Variants in SEMA3E observed in about 807,000 individuals in gnomAD.
SEMA3E encodes semaphorin-3E.
Under a neutral mutation model 93.6 loss-of-function variants are expected in SEMA3E, and 49 were observed. That is an observed-to-expected ratio of 0.52 (90% confidence interval 0.42 to 0.66). SEMA3E has a LOEUF of 0.66. Ranked by LOEUF, SEMA3E falls within the 30% of genes least tolerant of loss-of-function variation. The probability of loss-of-function intolerance (pLI) is 0.00; values close to 1 mark genes in which losing one functional copy is unlikely to be tolerated. For synonymous variants in SEMA3E, 363 were observed against 330.7 expected, an observed-to-expected ratio of 1.10 and a Z score of -1.06; for missense variants, 906 against 964.8, an observed-to-expected ratio of 0.94 and a Z score of 0.81.
intron 2 of SEMA3E, among the ~76,000 whole-genome samples, chr7:83,475,700 T>G (rs1044624187): frequency 6.6e-6 from 1 of 152,186 alleles, no homozygotes; most frequent in African/African-American, 2.4e-5. Context: ...GTCTAATGTT[T>G]TCTGACAGCA....
intron 1 of SEMA3E, among the ~76,000 whole-genome samples, chr7:83,536,453 A>G (rs59653238): frequency 0.19 from 28,501 of 152,018 alleles, 2,937 homozygotes; most frequent in Middle Eastern, 0.37. Context: ...TTAGGTTAAT[A>G]TTTCTCCTAA....
At chr7:83,381,472 C>T (rs1178295375) in intron 16 of SEMA3E, among the ~76,000 whole-genome samples, 1 of 151,830 alleles carries the variant, frequency 6.6e-6, no homozygotes, top group African/African-American at 2.4e-5. Context: ...TTATGGTGAC[C>T]TTCTTAGTGA....
chr7:83,429,348 C>T (rs759672622), intron 4 of SEMA3E, among the ~76,000 whole-genome samples: 4 of 152,234 alleles, frequency 2.6e-5, no homozygotes, highest in Admixed American at 6.5e-5. Flanking sequence ...GGATTCCATT[C>T]TCTTCCTCAC....
chr7:83,529,676 T>C (rs1042182104), intron 1 of SEMA3E, among the ~76,000 whole-genome samples: 1 of 152,170 alleles, frequency 6.6e-6, no homozygotes, highest in Non-Finnish European at 1.5e-5. Context: ...AGCAGAGTGA[T>C]AGAGACCCTA....
chr7:83,478,517 T>C (rs1340052357), intron 2 of SEMA3E, among the ~76,000 whole-genome samples: 2 of 152,234 alleles, frequency 1.3e-5, no homozygotes, highest in Non-Finnish European at 2.9e-5. Flanking sequence ...TGTGTACAGA[T>C]TGCAAGGGGC....
At chr7:83,564,308 AC>A (rs906091934) in intron 1 of SEMA3E, among the ~76,000 whole-genome samples, 1 of 152,120 alleles carries the variant, frequency 6.6e-6, no homozygotes, top group African/African-American at 2.4e-5. Context: ...TAGCCCAGCT[AC>A]TCAGGAGGCT....
intron 2 of SEMA3E, among the ~76,000 whole-genome samples, chr7:83,475,153 C>T (rs1395761576): frequency 6.6e-6 from 1 of 151,940 alleles, no homozygotes; most frequent in African/African-American, 2.4e-5. Context: ...GAGATATAGG[C>T]TGGGCTTCTT....
chr7:83,645,393 C>G (rs756367037), intron 1 of SEMA3E, among the ~76,000 whole-genome samples: 8 of 152,044 alleles, frequency 5.3e-5, no homozygotes, highest in Non-Finnish European at 1.0e-4. Context: ...CAGCCAAACT[C>G]AACTCAAATC....
rs888994383 is a variant in SEMA3E at position 83,377,317 on chromosome 7, T to C, written c.1875+7977A>G. ...CACAATAATATTCATTTTATAGGGC[T>C]TTACTTGTGTATGCATTTTCATTTC... is the stretch of plus-strand genomic sequence containing the variant. On this transcript the variant is annotated intron_variant, in intron 16 of 16. Transcript: ENST00000643230. 3.9e-5 allele frequency among the ~76,000 whole-genome samples: 6 copies of C among 152,168 alleles called. No homozygotes were observed. In the East Asian group the frequency reaches 1.2e-3, roughly 29 times the overall value.
intron 4 of SEMA3E, among the ~76,000 whole-genome samples, chr7:83,459,721 A>T (rs1010420677): frequency 4.9e-4 from 74 of 152,244 alleles, no homozygotes; most frequent in African/African-American, 1.7e-3. Flanking sequence ...ACTTGCACGT[A>T]TTCGCCCAGA....
intron 2 of SEMA3E, among the ~76,000 whole-genome samples, chr7:83,483,281 T>A (rs1183787763): frequency 6.6e-6 from 1 of 152,208 alleles, no homozygotes; most frequent in African/African-American, 2.4e-5. Flanking sequence ...TTTAGAGTTG[T>A]TGCAATTATC....
chr7:83,443,194 G>A (rs778201633), intron 4 of SEMA3E, among the ~76,000 whole-genome samples: 25 of 152,182 alleles, frequency 1.6e-4, no homozygotes, highest in South Asian at 6.2e-4. Flanking sequence ...CCTTTGTACA[G>A]GACCTTTCTG....
intron 1 of SEMA3E, among the ~76,000 whole-genome samples, chr7:83,512,782 G>A (rs1790852729): frequency 6.6e-6 from 1 of 151,982 alleles, no homozygotes; most frequent in Non-Finnish European, 1.5e-5. Flanking sequence ...TCTTAATTTT[G>A]ATGTATTATT....
chr7:83,431,683 CATGAGT>C (rs3042551), intron 4 of SEMA3E, among the ~76,000 whole-genome samples: 110,360 of 151,522 alleles, frequency 0.73, 40,820 homozygotes, highest in East Asian at 1. Context: ...GAGTTACAAG[CATGAGT>C]ATGAGTCATT....
At chr7:83,525,961 T>C (rs923045820) in intron 1 of SEMA3E, among the ~76,000 whole-genome samples, 1 of 152,000 alleles carries the variant, frequency 6.6e-6, no homozygotes, top group African/African-American at 2.4e-5. Flanking sequence ...GTTATTTTTT[T>C]TTTTTTAGGA....
At chr7:83,410,437 CTATT>C (rs1562769695) in intron 5 of SEMA3E, among the ~76,000 whole-genome samples, 1 of 151,864 alleles carries the variant, frequency 6.6e-6, no homozygotes, top group African/African-American at 2.4e-5. Context: ...AACTAAATGA[CTATT>C]TAAATCTGGA....
intron 1 of SEMA3E, among the ~76,000 whole-genome samples, chr7:83,541,723 T>C (rs776305675): frequency 3.3e-5 from 5 of 152,114 alleles, no homozygotes; most frequent in Non-Finnish European, 7.3e-5. Flanking sequence ...GTCATGATGC[T>C]ACCTTTCAGA....
chr7:83,594,581 G>A lies in SEMA3E; in HGVS notation c.115+53847C>T, dbSNP rs190784074. Reference sequence around the variant, plus strand: ...TTCCTAGGTTTTTCTGGAAGGGTATGAATTTTGGAGTCTGTCTTTGCTCCC... The same window carrying A: ...TTCCTAGGTTTTTCTGGAAGGGTATAAATTTTGGAGTCTGTCTTTGCTCCC... On this transcript the variant is annotated intron_variant, in intron 1 of 16. Transcript: ENST00000643230. Among the ~76,000 whole-genome samples the A allele has an allele frequency of 1.7e-3, 262 of 152,190 alleles. 2 individuals carry two copies. The highest frequency in any genetic ancestry group is 0.017 in the Middle Eastern group (5 of 294).
chr7:83,375,696 T>A (rs887457353), intron 16 of SEMA3E, among the ~76,000 whole-genome samples: 5 of 152,090 alleles, frequency 3.3e-5, no homozygotes, highest in Non-Finnish European at 7.4e-5. Context: ...TGCACAAAGC[T>A]AGAATGGTGT....
Sources: gnomAD v4.1 joint callset for allele counts (sites outside exome capture counted in the v4.1 genomes callset) on GRCh38, gnomAD v4.1.1 for gene constraint, MANE v1.5 for transcripts, NCBI Gene and HGNC (gene_info 2026-07-23, HGNC 2026-07-21) for gene names.